Variants in BICRA observed in about 807,000 individuals in gnomAD.
The protein encoded by BICRA is BRD4-interacting chromatin-remodeling complex-associated protein.
Under a neutral mutation model 96.9 loss-of-function variants are expected in BICRA, and 31 were observed. The ratio of observed to expected loss-of-function variants is 0.32; its 90% CI spans 0.24 to 0.43. The LOEUF (loss-of-function observed/expected upper bound fraction) is 0.43, where lower values mean the gene tolerates loss of function less well. BICRA is among the 20% of genes least tolerant of loss of function. BICRA has a pLI of 1.00. For synonymous variants in BICRA, 1,350 were observed against 1,071.8 expected (o/e 1.26, Z -5.07); for missense variants, 2,283 against 2,190.3 (o/e 1.04, Z -0.84).
At chr19:47,620,994 C>G (rs1005729434) in intron 1 of BICRA, among the ~76,000 whole-genome samples, 1 of 152,122 alleles carries the variant, frequency 6.6e-6, no homozygotes, top group African/African-American at 2.4e-5. Context: ...GGCTGCCTCC[C>G]TGGTGCCTCT....
intron 1 of BICRA, among the ~76,000 whole-genome samples, chr19:47,651,157 C>T (rs933977746): frequency 1.3e-5 from 2 of 152,106 alleles, no homozygotes; most frequent in African/African-American, 4.8e-5. Context: ...ACTCTACAGC[C>T]AGAAGGAACC....
rs781600201 is a variant in BICRA, at chr19:47,702,110, G to A, written c.4378G>A (p.Gly1460Arg). ...EPAASAAQGT[G>R]DPDWEAPGLP... ...CGCAGCCAGCGCCGCCCAAGGCACC[G>A]GGGACCCCGACTGGGAGGCGCCCGG... The change falls in exon 15 of 15, where the codon GGG becomes AGG. Residue 1460 changes from glycine (G) to arginine (R), a missense_variant. By Grantham distance (125) the Gly-to-Arg change is moderately radical. Transcript: ENST00000594866. 5 of 1,523,978 alleles carry A rather than the reference G, an allele frequency of 3.3e-6. No homozygotes were observed. Among genetic ancestry groups the A allele is most frequent in the African/African-American group, 2.8e-5 (2 of 70,636 alleles). 94.4% of individuals were successfully genotyped at this position (1,523,978 alleles called of 1,614,324 possible).
In BICRA at chr19:47,679,684, C is replaced by T. The variant is rs774310721; in HGVS notation, c.514C>T (p.Pro172Ser). The change falls in exon 6 of 15, where the codon CCG becomes TCG. Residue 172 changes from proline (P) to serine (S), a missense_variant. Coordinates refer to ENST00000594866, the MANE Select transcript of BICRA (RefSeq NM_001394372.1). Reference sequence around the variant, plus strand: ...CACCGACCTGCTGGGGCTGCAGGGCCCGCCTACCGTGCTGACCCACCAGGC... The same window carrying T: ...CACCGACCTGCTGGGGCTGCAGGGCTCGCCTACCGTGCTGACCCACCAGGC... ...GSTDLLGLQGPPTVLTHQALV... is the reference protein window; with the variant it reads ...GSTDLLGLQGSPTVLTHQALV... The T allele has an allele frequency of 2.0e-6, 3 of 1,524,774 alleles. No individual in the cohort carries two copies. In the South Asian group the frequency reaches 3.7e-5, roughly 19 times the overall value. 94.5% of individuals were successfully genotyped at this position (1,524,774 alleles called of 1,614,324 possible).
chr19:47,679,778 TG>T lies in BICRA; in HGVS notation c.611del (p.Gly204AlafsTer3). On this transcript the variant is annotated frameshift_variant, in exon 6 of 15. Coordinates refer to ENST00000594866, the MANE Select transcript of BICRA (RefSeq NM_001394372.1). LOFTEE classifies it high-confidence loss of function. ...SVQPFLQPVGLGNVTLQPIPG... is the reference protein window; with the variant it reads ...SVQPFLQPVGXGNVTLQPIPG... ...CAGCCCTTCCTGCAGCCTGTGGGCCTGGGCAATGTGACACTGCAGCCCATCC... is the reference window on the plus strand; with the variant it reads ...CAGCCCTTCCTGCAGCCTGTGGGCCTGGCAATGTGACACTGCAGCCCATCC... 1 of 1,503,590 alleles carries T rather than the reference TG, an allele frequency of 6.7e-7. No individual in the cohort carries two copies. Among genetic ancestry groups the T allele is most frequent in the Non-Finnish European group, 8.9e-7 (1 of 1,128,012 alleles). 93.1% of individuals were successfully genotyped at this position (1,503,590 alleles called of 1,614,324 possible). A position where few individuals can be genotyped will look rare whatever the true frequency, so the allele number is the denominator to read the frequency against.
chr19:47,649,845 T>C (rs1445824368), intron 1 of BICRA, among the ~76,000 whole-genome samples: 1 of 152,196 alleles, frequency 6.6e-6, no homozygotes, highest in Non-Finnish European at 1.5e-5. Flanking sequence ...AAATATAAAC[T>C]TGGAAGCTGC....
chr19:47,699,230 A>T lies in BICRA; in HGVS notation c.3493-73A>T, dbSNP rs989819155. On this transcript the variant is annotated intron_variant, in intron 13 of 14. Coordinates refer to ENST00000594866, the MANE Select transcript of BICRA (RefSeq NM_001394372.1). The surrounding 1 kb of genome is among the most constrained non-coding windows in gnomAD (Gnocchi z 5.0). ...CAAGGACAGTTTGGACCTTGCACGC[A>T]TCGTCCCCGTCGCTCGCGCCCCTTC... 1.1e-5 allele frequency: 10 copies of T among 933,748 alleles called. No individual in the cohort carries two copies. The Admixed American group carries it at 2.0e-4, about 19-fold the overall frequency. The allele number at this position is 933,748 out of a possible 1,614,324, so 57.8% of individuals were successfully genotyped here.
At chr19:47,647,988 C>T (rs963372880) in intron 1 of BICRA, among the ~76,000 whole-genome samples, 2 of 152,034 alleles carry the variant, frequency 1.3e-5, no homozygotes, top group African/African-American at 4.8e-5. Flanking sequence ...GCGGGAACTA[C>T]TGGTGTAGAC....
At chr19:47,617,355 A>G (rs1972000758) in intron 1 of BICRA, among the ~76,000 whole-genome samples, 1 of 145,884 alleles carries the variant, frequency 6.9e-6, no homozygotes. Flanking sequence ...ATTTATTGTT[A>G]TTTTAACTTA....
chr19:47,679,300 C>T lies in BICRA; in HGVS notation c.151-21C>T, dbSNP rs893513555. On this transcript the variant is annotated intron_variant, in intron 5 of 14. Coordinates refer to ENST00000594866, the MANE Select transcript of BICRA (RefSeq NM_001394372.1). ...CCTTGCTAACCTCAGCTCTTTCCTTCCCACCTTTCCCGGCCTGCAGCTCCA... is the reference window on the plus strand; with the variant it reads ...CCTTGCTAACCTCAGCTCTTTCCTTTCCACCTTTCCCGGCCTGCAGCTCCA... 18 of 1,417,386 alleles carry T rather than the reference C, an allele frequency of 1.3e-5. No individual in the cohort carries two copies. The African/African-American group carries it at 2.4e-4, about 19-fold the overall frequency. The allele number at this position is 1,417,386 out of a possible 1,614,324, so 87.8% of individuals were successfully genotyped here. A position where few individuals can be genotyped will look rare whatever the true frequency, so the allele number is the denominator to read the frequency against.
At chr19:47,677,000 C>G (rs1246399594) in intron 5 of BICRA, among the ~76,000 whole-genome samples, 1 of 152,120 alleles carries the variant, frequency 6.6e-6, no homozygotes, top group Non-Finnish European at 1.5e-5. Flanking sequence ...CTGCCTGGTC[C>G]TCAGTCGGTT....
intron 5 of BICRA, among the ~76,000 whole-genome samples, chr19:47,676,313 A>G (rs73049968): frequency 3.3e-4 from 50 of 152,172 alleles, no homozygotes; most frequent in South Asian, 1.0e-3. Context: ...CAGCCATGGC[A>G]GGGTGTGACC....
At chr19:47,673,897 C>CCACAA in intron 4 of BICRA, 135 bp downstream of exon 4, 2 of 768,262 alleles carry the variant, frequency 2.6e-6, no homozygotes, top group Non-Finnish European at 4.6e-6. Flanking sequence ...ACTGGAGTTA[C>CCACAA]GGCCATGAGC....
chr19:47,654,941 A>C (rs1478692892), intron 1 of BICRA, among the ~76,000 whole-genome samples: 2 of 152,100 alleles, frequency 1.3e-5, no homozygotes, highest in Non-Finnish European at 2.9e-5. Flanking sequence ...GGGTATTGTC[A>C]TGTGCAGGGG....
At chr19:47,670,745 A>C (rs1262130168) in intron 2 of BICRA, among the ~76,000 whole-genome samples, 2 of 152,182 alleles carry the variant, frequency 1.3e-5, no homozygotes, top group Non-Finnish European at 2.9e-5. Context: ...CATTAGCTGC[A>C]AGCAAAATCT....
chr19:47,651,808 G>T (rs530470990), intron 1 of BICRA, among the ~76,000 whole-genome samples: 2 of 152,342 alleles, frequency 1.3e-5, no homozygotes, highest in South Asian at 4.1e-4. Flanking sequence ...ACCTAGAGAA[G>T]GGTGGGCTGG....
At chr19:47,655,982 C>T (rs1972611055) in intron 1 of BICRA, among the ~76,000 whole-genome samples, 1 of 151,638 alleles carries the variant, frequency 6.6e-6, no homozygotes, top group African/African-American at 2.4e-5. Context: ...CGCCTGTAAC[C>T]CCAGCACTTT....
At chr19:47,643,710 G>A (rs56127833) in intron 1 of BICRA, among the ~76,000 whole-genome samples, 21,065 of 152,182 alleles carry the variant, frequency 0.14, 1,637 homozygotes, top group African/African-American at 0.2. Context: ...GGCCCTAACA[G>A]TTAACATCGG....
chr19:47,695,342 T>TCGGGGGGGCCCCC, intron 9 of BICRA, 23 bp from the exon 10 acceptor site: 15 of 630,188 alleles, frequency 2.4e-5, no homozygotes, highest in South Asian at 3.9e-5. Context: ...AGGCCCTGTC[T>TCGGGGGGGCCCCC]CCCCCACCCC....
At chr19:47,622,902 G>A (rs569797541) in intron 1 of BICRA, among the ~76,000 whole-genome samples, 11 of 151,162 alleles carry the variant, frequency 7.3e-5, no homozygotes, top group African/African-American at 2.4e-4. Context: ...GCTGGGCATG[G>A]TGGCAGGCAC....
Sources: allele counts gnomAD v4.1 joint callset (sites outside exome capture counted in the v4.1 genomes callset), GRCh38; gene constraint gnomAD v4.1.1; non-coding constraint Gnocchi (gnomAD v3.1); transcripts MANE v1.5; gene names NCBI Gene and HGNC (gene_info 2026-07-23, HGNC 2026-07-21).